FABP6: variants seen among roughly 807,000 people sequenced by gnomAD.
The protein encoded by FABP6 is gastrotropin.
Under a neutral mutation model 14.9 loss-of-function variants are expected in FABP6, and 13 were observed. That is an observed-to-expected ratio of 0.87 (90% CI 0.57 to 1.39). The LOEUF (loss-of-function observed/expected upper bound fraction) is 1.39. Ranked by LOEUF, FABP6 falls within the 40% of genes most tolerant of loss-of-function variation. The pLI is 0.00. For synonymous variants in FABP6, 75 were observed against 63.6 expected (o/e 1.18, Z -0.85); for missense variants, 161 against 167.2 (o/e 0.96, Z 0.20).
chr5:160,188,245 G>T (rs977731179), intron 1 of FABP6, among the ~76,000 whole-genome samples: 5 of 152,130 alleles, frequency 3.3e-5, no homozygotes, highest in Non-Finnish European at 5.9e-5. Flanking sequence ...CTCTCCTCCC[G>T]ATTCCTTATC....
At chr5:160,194,819 T>C (rs1193732126) in intron 1 of FABP6, among the ~76,000 whole-genome samples, 1 of 152,184 alleles carries the variant, frequency 6.6e-6, no homozygotes, top group African/African-American at 2.4e-5. Flanking sequence ...TCCCTGCCTA[T>C]ACCTCCATAT....
chr5:160,189,075 G>A (rs1047865696), intron 1 of FABP6, among the ~76,000 whole-genome samples: 8 of 151,818 alleles, frequency 5.3e-5, no homozygotes, highest in Non-Finnish European at 5.9e-5. Context: ...TAAATACTTC[G>A]GGTTTTGCAG....
chr5:160,214,544 A>T (rs757426259), intron 3 of FABP6, among the ~76,000 whole-genome samples: 3 of 148,820 alleles, frequency 2.0e-5, no homozygotes, highest in Non-Finnish European at 4.5e-5. Context: ...GAACTTCTGG[A>T]CTCAAGTGAT....
intron 1 of FABP6, chr5:160,195,730 C>T (rs1191209365): frequency 1.3e-5 from 2 of 152,214 alleles, no homozygotes; most frequent in African/African-American, 4.8e-5. Context: ...TGTGAACCAG[C>T]CCACCTGGCT....
chr5:160,217,635 TTTATTA>T (rs891659518), intron 3 of FABP6, among the ~76,000 whole-genome samples: 1 of 151,672 alleles, frequency 6.6e-6, no homozygotes, highest in Non-Finnish European at 1.5e-5. Flanking sequence ...ATTTATTTAT[TTTATTA>T]TTATTATTAT....
upstream of FABP6, among the ~76,000 whole-genome samples, chr5:160,227,441 C>A (rs370601861): frequency 2.0e-5 from 3 of 148,706 alleles, no homozygotes; most frequent in South Asian, 4.2e-4. Flanking sequence ...GCAGGAGAAT[C>A]GCTTAAACCT....
intron 1 of FABP6, among the ~76,000 whole-genome samples, chr5:160,192,799 G>A (rs1023697865): frequency 6.6e-6 from 1 of 152,250 alleles, no homozygotes; most frequent in Non-Finnish European, 1.5e-5. Context: ...GATAATGCCA[G>A]TGTGGCTCCT....
At chr5:160,222,893 G>A (rs968764916) in intron 3 of FABP6, among the ~76,000 whole-genome samples, 2 of 152,078 alleles carry the variant, frequency 1.3e-5, no homozygotes, top group Admixed American at 6.6e-5. Context: ...TCCCATCCTG[G>A]GGCTTTAGCT....
chr5:160,191,797 TAAAAATACAAAAA>T (rs1282846547), intron 1 of FABP6, among the ~76,000 whole-genome samples: 1 of 72,364 alleles, frequency 1.4e-5, no homozygotes, highest in Non-Finnish European at 2.7e-5. Flanking sequence ...CCATCTCTAC[TAAAAATACAAAAA>T]AAAAAAAAAA....
At chr5:160,191,537 G>A (rs577191846) in intron 1 of FABP6, among the ~76,000 whole-genome samples, 1 of 151,984 alleles carries the variant, frequency 6.6e-6, no homozygotes, top group Admixed American at 6.6e-5. Flanking sequence ...TCTCTCTACT[G>A]TGTTCCCCTC....
At chr5:160,223,458 T>C (rs1223347413) in intron 3 of FABP6, among the ~76,000 whole-genome samples, 1 of 150,052 alleles carries the variant, frequency 6.7e-6, no homozygotes, top group Non-Finnish European at 1.5e-5. Flanking sequence ...ATTCTCGCTC[T>C]GTTGCCTAGG....
upstream of FABP6, among the ~76,000 whole-genome samples, chr5:160,225,178 C>T (rs962799177): frequency 4.6e-5 from 7 of 151,664 alleles, no homozygotes; most frequent in Admixed American, 6.6e-5. Context: ...CTCACTGCAA[C>T]ATCCACCACC....
intron 2 of FABP6, among the ~76,000 whole-genome samples, chr5:160,207,236 C>T (rs1210638369): frequency 4.6e-5 from 7 of 152,238 alleles, no homozygotes; most frequent in African/African-American, 9.6e-5. Context: ...TACCTCTAAA[C>T]TCCCATGGCC....
chr5:160,218,961 A>G (rs948045382), intron 3 of FABP6, among the ~76,000 whole-genome samples: 1 of 152,058 alleles, frequency 6.6e-6, no homozygotes, highest in African/African-American at 2.4e-5. Context: ...GGGTCTTACT[A>G]TGTAGGCCAC....
rs746019187 is a variant in FABP6 at position 160,213,817 on chromosome 5, A to T, written c.133A>T (p.Lys45Ter). 6.2e-7 allele frequency: 1 copy of T among 1,613,296 alleles called. No homozygotes were observed. The highest frequency in any genetic ancestry group is 8.5e-7 in the Non-Finnish European group (1 of 1,179,370). The change falls in exon 3 of 7, where the codon AAG becomes TAG. Residue 45 changes from lysine to a stop codon, truncating the protein, a stop_gained and splice_region_variant. Transcript: ENST00000393980. LOFTEE classifies it high-confidence loss of function. ...GAGAATGAAACAGACACATAAAGGA[A>T]AGGTATGGGGTAGAAGAAGGGAGGG...
intron 1 of FABP6, among the ~76,000 whole-genome samples, chr5:160,192,973 T>C (rs1427209474): frequency 6.6e-6 from 1 of 152,190 alleles, no homozygotes; most frequent in Non-Finnish European, 1.5e-5. Flanking sequence ...AAGCCAGGCA[T>C]GGTGGTGCAC....
intron 2 of FABP6, among the ~76,000 whole-genome samples, chr5:160,202,207 A>G (rs1171766044): frequency 6.6e-6 from 1 of 152,192 alleles, no homozygotes; most frequent in Non-Finnish European, 1.5e-5. Flanking sequence ...TGTCATTATC[A>G]TTCATCGAAG....
upstream of FABP6, among the ~76,000 whole-genome samples, chr5:160,225,944 C>T (rs7713738): frequency 6.2e-3 from 937 of 152,044 alleles, 9 homozygotes; most frequent in African/African-American, 0.021. Context: ...GAGGCCGAGG[C>T]GAGTGGATCA....
At chr5:160,221,662 T>C (rs1760130834) in intron 3 of FABP6, among the ~76,000 whole-genome samples, 1 of 152,094 alleles carries the variant, frequency 6.6e-6, no homozygotes, top group African/African-American at 2.4e-5. Context: ...ACATACTCTA[T>C]TAGTGGATTT....
Sources: gnomAD v4.1 joint callset for allele counts (sites outside exome capture counted in the v4.1 genomes callset) on GRCh38, gnomAD v4.1.1 for gene constraint, MANE v1.5 for transcripts, NCBI Gene and HGNC (gene_info 2026-07-23, HGNC 2026-07-21) for gene names.